The following CFAP47 variants were observed in gnomAD, a reference collection of about 807,000 sequenced individuals.
CFAP47 encodes cilia and flagella associated protein 47, also known as cilia- and flagella-associated protein 47.
CFAP47 carries 29 observed loss-of-function variants against 148.1 expected under a neutral mutation model. The observed-to-expected ratio is 0.20, with a 90% CI of 0.15 to 0.27. The LOEUF (loss-of-function observed/expected upper bound fraction) is 0.27, where lower values mean the gene tolerates loss of function less well. Among genes scored for constraint, CFAP47 ranks in the 10% least tolerant of loss-of-function variants. CFAP47 has a pLI of 1.00. For missense variants in CFAP47, 1,872 were observed against 1,697.5 expected (o/e 1.10, Z -1.81); for synonymous variants, 664 against 577.3 (o/e 1.15, Z -2.15).
chrX:36,006,129 A>G (rs1174309170), intron 21 of CFAP47, among the ~76,000 whole-genome samples: 1 of 111,261 alleles, frequency 9.0e-6, no homozygotes, highest in East Asian at 2.8e-4. Context: ...TAAGTATCTT[A>G]CATGACTTTT....
chrX:35,997,238 C>A, intron 18 of CFAP47, 74 bp from the exon 19 acceptor site: 1 of 280,148 alleles, frequency 3.6e-6, no homozygotes, highest in Non-Finnish European at 6.3e-6. Flanking sequence ...TATATACATG[C>A]CAGGTAATAC....
intron 63 of CFAP47, among the ~76,000 whole-genome samples, chrX:36,380,369 G>A (rs1942066853): frequency 1.8e-5 from 2 of 112,995 alleles, no homozygotes; most frequent in Non-Finnish European, 3.7e-5. Context: ...CTTTCTAAGA[G>A]TCCTTACAAT....
intron 2 of CFAP47, among the ~76,000 whole-genome samples, chrX:35,937,573 C>G (rs1303494930): frequency 9.0e-6 from 1 of 110,548 alleles, no homozygotes; most frequent in Non-Finnish European, 1.9e-5. Context: ...TAGGCTTATG[C>G]TATTTTTTTC....
At chrX:36,216,915 C>CTTG (rs1940164315) in intron 45 of CFAP47, among the ~76,000 whole-genome samples, 1 of 111,981 alleles carries the variant, frequency 8.9e-6, no homozygotes, top group South Asian at 3.8e-4. Context: ...GGTTCAGACT[C>CTTG]CTAAGCCATA....
chrX:36,344,341 A>C, intron 57 of CFAP47, among the ~76,000 whole-genome samples: 1 of 110,760 alleles, frequency 9.0e-6, no homozygotes, highest in Non-Finnish European at 1.9e-5. Context: ...TGAGATGAAA[A>C]ATGAACTTGA....
chrX:36,217,884 CAG>C (rs1445565504), intron 45 of CFAP47, among the ~76,000 whole-genome samples: 7 of 111,662 alleles, frequency 6.3e-5, no homozygotes, highest in African/African-American at 2.3e-4. Context: ...TATTTATAGA[CAG>C]AGCTGGTAAG....
chrX:36,172,545 T>C (rs1156365104), intron 39 of CFAP47, among the ~76,000 whole-genome samples: 2 of 110,643 alleles, frequency 1.8e-5, no homozygotes, highest in Admixed American at 9.6e-5. Flanking sequence ...TTTCTGCATC[T>C]ATTGAGATAA....
intron 40 of CFAP47, among the ~76,000 whole-genome samples, chrX:36,181,414 C>T (rs1939748501): frequency 9.0e-6 from 1 of 111,251 alleles, no homozygotes; most frequent in African/African-American, 3.3e-5. Context: ...AAAGCATTTA[C>T]AATTTAATTT....
chrX:36,197,062 G>C (rs1192376444), intron 42 of CFAP47, among the ~76,000 whole-genome samples: 1 of 111,719 alleles, frequency 9.0e-6, no homozygotes, highest in Non-Finnish European at 1.9e-5. Flanking sequence ...ACACAGGCAA[G>C]ATAAGCATTA....
chrX:36,271,505 T>A (rs1236807910), intron 49 of CFAP47, among the ~76,000 whole-genome samples: 1 of 111,821 alleles, frequency 8.9e-6, no homozygotes. Flanking sequence ...GTTTAGGTGA[T>A]TAATGTGCAG....
intron 30 of CFAP47, among the ~76,000 whole-genome samples, chrX:36,092,303 A>C (rs1043655175): frequency 5.4e-5 from 6 of 111,382 alleles, no homozygotes; most frequent in African/African-American, 1.9e-4. Context: ...AGCTTTCTAT[A>C]TTTAGGTATT....
intron 21 of CFAP47, among the ~76,000 whole-genome samples, chrX:36,005,106 A>G (rs2146695922): frequency 9.0e-6 from 1 of 110,749 alleles, no homozygotes; most frequent in East Asian, 2.9e-4. Context: ...CTTGGTCAGC[A>G]TATCTAAAGT....
intron 37 of CFAP47, among the ~76,000 whole-genome samples, chrX:36,151,142 G>A (rs978170779): frequency 8.9e-6 from 1 of 111,777 alleles, no homozygotes; most frequent in African/African-American, 3.2e-5. Context: ...ATAAACCTCT[G>A]ATAATTTAGT....
At chrX:35,944,304 T>A (rs1279535908) in intron 3 of CFAP47, among the ~76,000 whole-genome samples, 2 of 111,396 alleles carry the variant, frequency 1.8e-5, no homozygotes, top group African/African-American at 6.5e-5. Flanking sequence ...ACTGATGCCA[T>A]GGCATCTCCA....
intron 2 of CFAP47, among the ~76,000 whole-genome samples, chrX:35,935,632 G>A (rs1312341268): frequency 9.3e-6 from 1 of 107,647 alleles, no homozygotes; most frequent in Non-Finnish European, 1.9e-5. Context: ...GGGATGATAG[G>A]TGGAGCCTTC....
intron 33 of CFAP47, among the ~76,000 whole-genome samples, chrX:36,123,351 G>C (rs1365275332): frequency 2.7e-5 from 3 of 112,070 alleles, no homozygotes; most frequent in Non-Finnish European, 5.6e-5. Flanking sequence ...AAGCCATCTA[G>C]GATTATTCCC....
chrX:36,173,436 T>C lies in CFAP47; in HGVS notation c.6027-5909T>C, dbSNP rs188957400. 2.7e-5 allele frequency among the ~76,000 whole-genome samples: 3 copies of C among 111,977 alleles called. No individual in the cohort carries two copies. In the East Asian group the frequency reaches 8.4e-4, roughly 31 times the overall value. On this transcript the variant is annotated intron_variant, in intron 39 of 63. Coordinates refer to ENST00000378653, the MANE Select transcript of CFAP47 (RefSeq NM_001304548.2). ...TTTCCTGCTTTCTCTTGTGGGCATT[T>C]AGTGCTATAAATTTCCCTCTACACA...
intron 21 of CFAP47, among the ~76,000 whole-genome samples, chrX:36,013,529 T>G (rs1937063865): frequency 8.9e-6 from 1 of 111,824 alleles, no homozygotes; most frequent in South Asian, 3.7e-4. Context: ...CTGTACATTT[T>G]CTTGTGTGTA....
chrX:35,967,548 A>G, intron 9 of CFAP47, 71 bp from the exon 10 acceptor site: 3 of 768,865 alleles, frequency 3.9e-6, no homozygotes, highest in Non-Finnish European at 5.8e-6. Context: ...GTATTAATTA[A>G]TTCATGGTTA....
Sources: allele counts gnomAD v4.1 joint callset (sites outside exome capture counted in the v4.1 genomes callset), GRCh38; gene constraint gnomAD v4.1.1; transcripts MANE v1.5; gene names NCBI Gene and HGNC (gene_info 2026-07-23, HGNC 2026-07-21).